PDHA1: variants seen among roughly 807,000 people sequenced by gnomAD.
The protein encoded by PDHA1 is pyruvate dehydrogenase E1 component subunit alpha, somatic form, mitochondrial.
PDHA1 carries 1 observed loss-of-function variant against 33.0 expected under a neutral mutation model. That is an observed-to-expected ratio of 0.03 (90% CI 0.01 to 0.14). The LOEUF (loss-of-function observed/expected upper bound fraction) is 0.14, where lower values mean the gene tolerates loss of function less well. Among genes scored for constraint, PDHA1 ranks in the 10% least tolerant of loss-of-function variants. The probability of loss-of-function intolerance (pLI) is 1.00; values close to 1 mark genes in which losing one functional copy is unlikely to be tolerated. For synonymous variants in PDHA1, 123 were observed against 119.2 expected (o/e 1.03, Z -0.21); for missense variants, 168 against 325.1 (o/e 0.52, Z 3.72).
intron 6 of PDHA1, 142 bp from the exon 7 acceptor site, chrX:19,355,207 C>A: frequency 1.4e-6 from 1 of 705,880 alleles, no homozygotes; most frequent in Non-Finnish European, 2.3e-6. Context: ...CGCTTTCCCT[C>A]ACCACCCAAA....
rs756661835 is a variant in PDHA1, at chrX:19,359,227, G to A, written c.1008+203G>A. 7.2e-5 allele frequency among the ~76,000 whole-genome samples: 8 copies of A among 111,746 alleles called. 1 individual carries two copies. The highest frequency in any genetic ancestry group is 1.3e-4 in the Non-Finnish European group (7 of 53,171). On this transcript the variant is annotated intron_variant, in intron 10 of 10. Transcript: ENST00000422285. The stretch of plus-strand genomic sequence containing the variant: ...AAATTGTATTACTCTTCAGATTTCA[G>A]ATTTTGGTGGACTGTGAACCACCAT...
Position 19,359,723 on chromosome X carries a change from A to G in PDHA1, c.*70A>G. On this transcript the variant is annotated 3_prime_UTR_variant, in exon 11 of 11. Transcript: ENST00000422285. ...GTGTTCTCAACTTGGTTAAGGAGGA[A>G]GAAAACCCAGTCAATGAAATTCAAT... 3 of 970,615 alleles carry G rather than the reference A, an allele frequency of 3.1e-6. No homozygotes were observed. The highest frequency in any genetic ancestry group is 4.4e-6 in the Non-Finnish European group (3 of 678,184). 80.0% of individuals were successfully genotyped at this position (970,615 alleles called of 1,213,427 possible). A position where few individuals can be genotyped will look rare whatever the true frequency, so the allele number is the denominator to read the frequency against.
chrX:19,353,731 T>C (rs745845861), intron 5 of PDHA1, among the ~76,000 whole-genome samples: 4 of 111,792 alleles, frequency 3.6e-5, no homozygotes, highest in Non-Finnish European at 5.6e-5. Flanking sequence ...TGCTGTTTTA[T>C]AAGTAAGCAG....
rs2063290344 is a variant in PDHA1, at chrX:19,361,698, AAG to A, written c.*2049_*2050del. 3.6e-6 allele frequency: 2 copies of A among 557,905 alleles called. No individual in the cohort carries two copies. The highest frequency in any genetic ancestry group is 3.4e-5 in the East Asian group (1 of 29,517). The allele number at this position is 557,905 out of a possible 1,213,427, so 46.0% of individuals were successfully genotyped here. A position where few individuals can be genotyped will look rare whatever the true frequency, so the allele number is the denominator to read the frequency against. ...TCCAGAATGTAAATGTGATGTGAAA[AAG>A]AGATGAATTAACCCTGTATCACTGA... On this transcript the variant is annotated 3_prime_UTR_variant, in exon 11 of 11. Transcript: ENST00000422285.
Position 19,360,303 on chromosome X carries a change from T to A in PDHA1, c.*650T>A. The A allele has an allele frequency of 7.0e-6, 1 of 143,396 alleles. No individual in the cohort carries two copies. Among genetic ancestry groups the A allele is most frequent in the Non-Finnish European group, 1.4e-5 (1 of 73,250 alleles). The allele number at this position is 143,396 out of a possible 1,213,427, so 11.8% of individuals were successfully genotyped here. On this transcript the variant is annotated 3_prime_UTR_variant, in exon 11 of 11. Coordinates refer to ENST00000422285, the MANE Select transcript of PDHA1 (RefSeq NM_000284.4). The stretch of plus-strand genomic sequence containing the variant: ...CCAGTTCTGAGGCAGTGTCCCAGCT[T>A]CCATGTTTGTTAAATACCCCTTGTT...
Position 19,361,505 on chromosome X carries a change from CTT to C in PDHA1, c.*1854_*1855del. ...GTTGTAAATTTACCTTTTCAATTGT[CTT>C]TGCATCAGCTCCTTGCAGCCGCAAC... On this transcript the variant is annotated 3_prime_UTR_variant, in exon 11 of 11. Coordinates refer to ENST00000422285, the MANE Select transcript of PDHA1 (RefSeq NM_000284.4). The C allele has an allele frequency of 8.3e-7, 1 of 1,210,154 alleles. No homozygotes were observed. The highest frequency in any genetic ancestry group is 1.1e-6 in the Non-Finnish European group (1 of 893,953).
intron 1 of PDHA1, among the ~76,000 whole-genome samples, chrX:19,344,860 G>A (rs1023242882): frequency 3.6e-5 from 4 of 111,870 alleles, no homozygotes; most frequent in African/African-American, 1.3e-4. Context: ...TTCTGAGGCG[G>A]GTTCACAGAA....
At chrX:19,345,747 C>CT in intron 1 of PDHA1, 1 of 147,355 alleles carries the variant, frequency 6.8e-6, no homozygotes, top group Admixed American at 8.1e-5. Flanking sequence ...TTGCAGGGTC[C>CT]CCCCCCCCCC....
At chrX:19,345,572 TAAAAAAAAAAAA>T (rs11318265) in intron 1 of PDHA1, among the ~76,000 whole-genome samples, 5 of 30,270 alleles carry the variant, frequency 1.7e-4, no homozygotes, top group East Asian at 1.6e-3. Context: ...CTCCGTATTT[TAAAAAAAAAAAA>T]AAAAAAAAAA....
In PDHA1 at chrX:19,355,773, C is replaced by T; in HGVS notation, c.831+16C>T. On this transcript the variant is annotated intron_variant, in intron 8 of 10. Coordinates refer to ENST00000422285, the MANE Select transcript of PDHA1 (RefSeq NM_000284.4). ...ATCTGGGAAGGTAAGGCTCTAAAGC[C>T]CTCTGGGCTAGTGACATTTATCTCT... The T allele has an allele frequency of 8.7e-7, 1 of 1,151,645 alleles. No individual in the cohort carries two copies. Among genetic ancestry groups the T allele is most frequent in the South Asian group, 1.8e-5 (1 of 55,434 alleles). The allele number at this position is 1,151,645 out of a possible 1,213,427, so 94.9% of individuals were successfully genotyped here.
chrX:19,358,770 G>A (rs2063226970), intron 9 of PDHA1, 146 bp from the exon 10 acceptor site: 1 of 492,125 alleles, frequency 2.0e-6, no homozygotes, highest in Non-Finnish European at 3.7e-6. Flanking sequence ...AGTGACATAA[G>A]CATTGGTATG....
At chrX:19,348,656 T>C (rs1569189693) in intron 1 of PDHA1, among the ~76,000 whole-genome samples, 1 of 112,645 alleles carries the variant, frequency 8.9e-6, no homozygotes, top group Non-Finnish European at 1.9e-5. Flanking sequence ...AAGAATGGCA[T>C]GAAAAGGCCA....
chrX:19,354,784 C>T (rs1339624075), intron 6 of PDHA1, among the ~76,000 whole-genome samples: 2 of 112,774 alleles, frequency 1.8e-5, no homozygotes, highest in Non-Finnish European at 3.7e-5. Context: ...GGGGCACATT[C>T]CTGTGAAGGA....
chrX:19,353,558 A>G (rs1030318100), intron 5 of PDHA1, among the ~76,000 whole-genome samples: 3 of 111,655 alleles, frequency 2.7e-5, no homozygotes, highest in Non-Finnish European at 5.6e-5. Context: ...TCACATGACA[A>G]AATCGCCTAG....
intron 5 of PDHA1, among the ~76,000 whole-genome samples, chrX:19,354,211 G>A (rs1004855507): frequency 1.8e-5 from 2 of 112,739 alleles, no homozygotes; most frequent in Non-Finnish European, 3.7e-5. Context: ...GATTACAGGC[G>A]TGAGCCACCA....
At chrX:19,359,418 C>CAGCAGAACTCTAGTTG in intron 10 of PDHA1, 71 bp from the exon 11 acceptor site, 1 of 901,771 alleles carries the variant, frequency 1.1e-6, no homozygotes, top group South Asian at 2.0e-5. Flanking sequence ...AACAGGTCCT[C>CAGCAGAACTCTAGTTG]AGCAGAACTC....
chrX:19,360,726 T>G lies in PDHA1; in HGVS notation c.*1073T>G. 1 of 1,162,757 alleles carries G rather than the reference T, an allele frequency of 8.6e-7. No homozygotes were observed. The highest frequency in any genetic ancestry group is 1.2e-6 in the Non-Finnish European group (1 of 853,071). The stretch of plus-strand genomic sequence containing the variant: ...AAACATGTAGCGTGGTGGGACACTC[T>G]GCCACAGCTTAGCTGATTGGTATCA... On this transcript the variant is annotated 3_prime_UTR_variant, in exon 11 of 11. Coordinates refer to ENST00000422285, the MANE Select transcript of PDHA1 (RefSeq NM_000284.4).
At chrX:19,359,133 G>A (rs776740044) in intron 10 of PDHA1, 109 bp downstream of exon 10, 1 of 528,272 alleles carries the variant, frequency 1.9e-6, no homozygotes, top group South Asian at 2.5e-5. Context: ...TGATGTCCTG[G>A]GACATAAATA....
At chrX:19,349,418 T>C in intron 2 of PDHA1, 47 bp downstream of exon 2, 1 of 729,768 alleles carries the variant, frequency 1.4e-6, no homozygotes, top group Non-Finnish European at 2.2e-6. Flanking sequence ...AGGTACACTC[T>C]GATATACAGT....
Sources: allele counts gnomAD v4.1 joint callset (sites outside exome capture counted in the v4.1 genomes callset), GRCh38; gene constraint gnomAD v4.1.1; transcripts MANE v1.5; gene names NCBI Gene and HGNC (gene_info 2026-07-23, HGNC 2026-07-21).